TRUB2: variants seen among roughly 807,000 people sequenced by gnomAD.
The protein encoded by TRUB2 is TruB pseudouridine synthase family member 2.
In TRUB2, 31 loss-of-function variants were observed where a neutral mutation model predicts 31.9. The observed-to-expected ratio is 0.97, with a 90% CI of 0.73 to 1.31. TRUB2 has a LOEUF of 1.31. Among genes scored for constraint, TRUB2 ranks in the 50% most tolerant of loss-of-function variants. The pLI is 0.00. For missense variants in TRUB2, 451 were observed against 439.6 expected (o/e 1.03, Z -0.23); for synonymous variants, 201 against 182.6 (o/e 1.10, Z -0.81).
chr9:128,309,543 TGGGCATTCACTGCCC>T lies in TRUB2; in HGVS notation c.988_*6del. The T allele has an allele frequency of 6.2e-7, 1 of 1,600,204 alleles. No homozygotes were observed. Among genetic ancestry groups the T allele is most frequent in the Non-Finnish European group, 8.5e-7 (1 of 1,169,952 alleles). ...TCCATCCACTGCCCCAGGAGCTGCC[TGGGCATTCACTGCCC>T]CGCACCCCTCTCCAGCCCCAAGGTA... On this transcript the variant is annotated stop_lost and 3_prime_UTR_variant, in exon 8 of 8. Coordinates refer to ENST00000372890, the MANE Select transcript of TRUB2 (RefSeq NM_015679.3).
intron 5 of TRUB2, among the ~76,000 whole-genome samples, chr9:128,312,932 G>GTA (rs1423923539): frequency 6.6e-6 from 1 of 150,932 alleles, no homozygotes; most frequent in African/African-American, 2.4e-5. Flanking sequence ...ATTTAGAACA[G>GTA]TAGCCAGGCG....
At chr9:128,319,202 T>TAC (rs1832119912) in intron 2 of TRUB2, among the ~76,000 whole-genome samples, 1 of 151,850 alleles carries the variant, frequency 6.6e-6, no homozygotes, top group African/African-American at 2.4e-5. Flanking sequence ...GGCGGGCGCC[T>TAC]GTAGTCCCAG....
At chr9:128,321,857 G>T in intron 1 of TRUB2, 127 bp from the exon 2 acceptor site, 1 of 1,067,166 alleles carries the variant, frequency 9.4e-7, no homozygotes, top group Non-Finnish European at 1.3e-6. Flanking sequence ...ATAGCTCACT[G>T]TAACGTCAAA....
intron 5 of TRUB2, among the ~76,000 whole-genome samples, chr9:128,312,615 ATTTT>A (rs756476106): frequency 1.6e-5 from 2 of 126,710 alleles, no homozygotes; most frequent in Admixed American, 8.1e-5. Context: ...TATTATTATT[ATTTT>A]TTTTTTTTTT....
intron 2 of TRUB2, among the ~76,000 whole-genome samples, chr9:128,318,328 G>A (rs541186607): frequency 6.6e-6 from 1 of 152,176 alleles, no homozygotes; most frequent in East Asian, 1.9e-4. Flanking sequence ...TCCAGCCTGG[G>A]CAACAGAGCA....
chr9:128,318,976 G>A lies in TRUB2; in HGVS notation c.242-1750C>T, dbSNP rs1832114732. Reference sequence around the variant, plus strand: ...GCAGGCAGATCACTTGAGCCCAGGAGTTCAATACTAGCATGGGCAACGTGA... The same window carrying A: ...GCAGGCAGATCACTTGAGCCCAGGAATTCAATACTAGCATGGGCAACGTGA... On this transcript the variant is annotated intron_variant, in intron 2 of 7. Transcript: ENST00000372890. Among the ~76,000 whole-genome samples, 2 of 151,946 alleles carry A rather than the reference G, an allele frequency of 1.3e-5. 1 individual carries two copies. The highest frequency in any genetic ancestry group is 1.3e-4 in the Admixed American group (2 of 15,240).
chr9:128,320,693 A>G (rs1832150942), intron 2 of TRUB2, among the ~76,000 whole-genome samples: 1 of 152,162 alleles, frequency 6.6e-6, no homozygotes, highest in South Asian at 2.1e-4. Flanking sequence ...TTAAACTCCT[A>G]GGCTCAAGTA....
rs1831847969 is a variant in TRUB2 at position 128,305,253 on chromosome 9, C to G, written c.*4297G>C. 1 of 152,298 alleles carries G rather than the reference C, an allele frequency of 6.6e-6. No individual in the cohort carries two copies. Among genetic ancestry groups the G allele is most frequent in the Admixed American group, 6.5e-5 (1 of 15,276 alleles). The allele number at this position is 152,298 out of a possible 1,614,324, so 9.4% of individuals were successfully genotyped here. Reference sequence around the variant, plus strand: ...AGTAAGCTGAGGTTCCACCCAGGCCCTTTGGCTGTGAAAGCCAAGATGAGT... The same window carrying G: ...AGTAAGCTGAGGTTCCACCCAGGCCGTTTGGCTGTGAAAGCCAAGATGAGT... On this transcript the variant is annotated 3_prime_UTR_variant, in exon 8 of 8. Coordinates refer to ENST00000372890, the MANE Select transcript of TRUB2 (RefSeq NM_015679.3).
Position 128,322,315 on chromosome 9 carries a change from G to A in TRUB2, c.94C>T (p.Leu32=). ...KWKHLRDTVE[L]QLLKGLNARK... is the part of the protein sequence containing the mutation. ...AGGCACTCACCCTTCAGAAGTTGTA[G>A]CTCCACTGTATCCCGCAGGTGCTTC... The change falls in exon 1 of 8, where the codon CTA becomes TTA. Residue 32 remains leucine, a synonymous_variant. Transcript: ENST00000372890. 2 of 1,614,026 alleles carry A rather than the reference G, an allele frequency of 1.2e-6. No individual in the cohort carries two copies. The highest frequency in any genetic ancestry group is 1.7e-6 in the Non-Finnish European group (2 of 1,179,908).
Position 128,307,333 on chromosome 9 carries a change from CTGGAGGG to C in TRUB2, c.*2210_*2216del, listed in dbSNP as rs987449411. ...GTGCACGCCTGTAGTCCCAGCTATT[CTGGAGGG>C]TGAGGTGGGAAGATGGTTGAGCCTG... On this transcript the variant is annotated 3_prime_UTR_variant, in exon 8 of 8. Transcript: ENST00000372890. 2.0e-5 allele frequency: 3 copies of C among 151,610 alleles called. No individual in the cohort carries two copies. Among genetic ancestry groups the C allele is most frequent in the Non-Finnish European group, 4.4e-5 (3 of 67,958 alleles). 9.4% of individuals were successfully genotyped at this position (151,610 alleles called of 1,614,324 possible).
intron 1 of TRUB2, 94 bp downstream of exon 1, chr9:128,322,206 G>C: frequency 9.7e-7 from 1 of 1,031,874 alleles, no homozygotes; most frequent in Non-Finnish European, 1.5e-6. Context: ...AGGTGAATAG[G>C]TCACGTGATT....
chr9:128,315,829 C>G (rs1832059345), intron 3 of TRUB2: 1 of 594,982 alleles, frequency 1.7e-6, no homozygotes, highest in Non-Finnish European at 3.0e-6. Flanking sequence ...TACCCATATG[C>G]ACTGAATCTG....
chr9:128,313,982 T>G lies in TRUB2; in HGVS notation c.379-93A>C, dbSNP rs150239597. 3.6e-4 allele frequency: 421 copies of G among 1,169,268 alleles called. 4 individuals carry two copies. The East Asian group carries it at 9.7e-3, about 27-fold the overall frequency. The allele number at this position is 1,169,268 out of a possible 1,614,324, so 72.4% of individuals were successfully genotyped here. On this transcript the variant is annotated intron_variant, in intron 4 of 7. Transcript: ENST00000372890. ...AAGCTGGGGGTGGGGGGTCCTCAGGTCTCCCTCAGGAAGCTCATGTGCCCA... is the reference window on the plus strand; with the variant it reads ...AAGCTGGGGGTGGGGGGTCCTCAGGGCTCCCTCAGGAAGCTCATGTGCCCA...
At chr9:128,311,639 G>C in intron 5 of TRUB2, 38 bp from the exon 6 acceptor site, 1 of 1,607,700 alleles carries the variant, frequency 6.2e-7, no homozygotes, top group South Asian at 1.1e-5. Flanking sequence ...ACAGGTACCT[G>C]CTGAGTATTG....
At chr9:128,313,958 A>T in intron 4 of TRUB2, 69 bp from the exon 5 acceptor site, 1 of 1,470,058 alleles carries the variant, frequency 6.8e-7, no homozygotes, top group Non-Finnish European at 9.5e-7. Flanking sequence ...CTGCCCCAGA[A>T]GCTGGGGGTG....
At chr9:128,311,221 C>A (rs1831963272) in intron 6 of TRUB2, 198 bp from the exon 7 acceptor site, 1 of 697,674 alleles carries the variant, frequency 1.4e-6, no homozygotes, top group Non-Finnish European at 2.4e-6. Flanking sequence ...AGCCCAAGCT[C>A]TTAACTCCTT....
chr9:128,312,134 CTT>C (rs61513949), intron 5 of TRUB2, among the ~76,000 whole-genome samples: 14 of 109,346 alleles, frequency 1.3e-4, no homozygotes, highest in African/African-American at 1.4e-4. Context: ...TGCACCCAGA[CTT>C]TTTTTTTTTT....
chr9:128,310,763 A>G, intron 7 of TRUB2, 124 bp downstream of exon 7: 2 of 1,369,598 alleles, frequency 1.5e-6, no homozygotes, highest in Non-Finnish European at 2.0e-6. Flanking sequence ...GCCCGCAGAG[A>G]TCAGGGCCGG....
chr9:128,319,386 G>C (rs1340190835), intron 2 of TRUB2, among the ~76,000 whole-genome samples: 1 of 151,746 alleles, frequency 6.6e-6, no homozygotes, highest in Non-Finnish European at 1.5e-5. Flanking sequence ...AGCTACTCGG[G>C]AGGCTTAGGT....
Sources: gnomAD v4.1 joint callset for allele counts (sites outside exome capture counted in the v4.1 genomes callset) on GRCh38, gnomAD v4.1.1 for gene constraint, MANE v1.5 for transcripts, NCBI Gene and HGNC (gene_info 2026-07-23, HGNC 2026-07-21) for gene names.